Variants in PASD1 observed in about 807,000 individuals in gnomAD.
The protein encoded by PASD1 is PAS domain containing repressor 1.
PASD1 carries 13 observed loss-of-function variants against 58.8 expected under a neutral mutation model. The ratio of observed to expected loss-of-function variants is 0.22; its 90% confidence interval spans 0.14 to 0.35. The LOEUF is 0.35. Among genes scored for constraint, PASD1 ranks in the 10% least tolerant of loss-of-function variants. The pLI, the probability that PASD1 is intolerant of heterozygous loss-of-function variation, is 1.00. For synonymous variants in PASD1, 236 were observed against 216.7 expected, an observed-to-expected ratio of 1.09 and a Z score of -0.78; for missense variants, 734 against 568.3, an observed-to-expected ratio of 1.29 and a Z score of -2.96.
chrX:151,580,532 AAGT>A (rs1485843480), intron 1 of PASD1, among the ~76,000 whole-genome samples: 2 of 97,093 alleles, frequency 2.1e-5, no homozygotes, highest in African/African-American at 7.8e-5. Context: ...TTTTTGGTGG[AAGT>A]AGTCTATATA....
At chrX:151,620,814 G>C in intron 4 of PASD1, 116 bp from the exon 5 acceptor site, 1 of 438,754 alleles carries the variant, frequency 2.3e-6, no homozygotes, top group Non-Finnish European at 4.0e-6. Context: ...CAGAGCATAA[G>C]CTCACTGGAG....
intron 3 of PASD1, among the ~76,000 whole-genome samples, chrX:151,609,350 A>C (rs2013523973): frequency 8.9e-6 from 1 of 111,830 alleles, no homozygotes; most frequent in Non-Finnish European, 1.9e-5. Context: ...TCACTTTTAA[A>C]TGTAGAATTC....
chrX:151,675,725 G>A (rs1000104605), intron 15 of PASD1, among the ~76,000 whole-genome samples: 5 of 111,905 alleles, frequency 4.5e-5, no homozygotes, highest in African/African-American at 1.6e-4. Flanking sequence ...ACAAGAGAGG[G>A]CCAGACACAG....
chrX:151,674,243 C>G, intron 15 of PASD1, 57 bp downstream of exon 15: 2 of 1,185,132 alleles, frequency 1.7e-6, no homozygotes, highest in South Asian at 3.7e-5. Flanking sequence ...ATTCTGGGCC[C>G]CTTCCACATA....
rs1478267233 is a variant in PASD1, at chrX:151,672,289, T to A, written c.1544T>A (p.Met515Lys). 5 of 1,166,170 alleles carry A rather than the reference T, an allele frequency of 4.3e-6. No homozygotes were observed. The highest frequency in any genetic ancestry group is 5.2e-5 in the Admixed American group (2 of 38,520). Residue 515 changes from methionine to lysine, a missense_variant, in exon 14 of 16, where the codon ATG becomes AAG. By Grantham distance (95) the Met-to-Lys change is moderately conservative (BLOSUM62 -1). Transcript: ENST00000370357. ...AGGAAGGTGCAGAAGCAGAAGAAGA[T>A]GCAGGAGAAGAAGAAGCTGCAGGAG... ...EQRKVQKQKKMQEKKKLQEQK... is the reference protein window; with the variant it reads ...EQRKVQKQKKKQEKKKLQEQK...
At chrX:151,674,444 T>C (rs1369863494) in intron 15 of PASD1, among the ~76,000 whole-genome samples, 1 of 112,894 alleles carries the variant, frequency 8.9e-6, no homozygotes, top group African/African-American at 3.2e-5. Context: ...CAAAACTATG[T>C]TACATGGGCA....
chrX:151,642,696 A>G (rs1164223153), intron 8 of PASD1, among the ~76,000 whole-genome samples: 2 of 112,477 alleles, frequency 1.8e-5, no homozygotes, highest in Non-Finnish European at 3.7e-5. Context: ...CCCCAAACTT[A>G]TATCTTTGAA....
intron 8 of PASD1, among the ~76,000 whole-genome samples, chrX:151,636,024 T>A (rs2013926750): frequency 1.8e-5 from 2 of 111,743 alleles, no homozygotes; most frequent in Admixed American, 1.9e-4. Flanking sequence ...AATTAAAAAT[T>A]TTTAAAGATA....
intron 1 of PASD1, among the ~76,000 whole-genome samples, chrX:151,565,653 G>C (rs2012828958): frequency 9.3e-6 from 1 of 107,166 alleles, no homozygotes; most frequent in Admixed American, 9.9e-5. Context: ...CACCTGCCAG[G>C]TTCACGCCAT....
intron 8 of PASD1, among the ~76,000 whole-genome samples, chrX:151,637,453 T>G (rs1485797830): frequency 9.0e-6 from 1 of 111,539 alleles, no homozygotes; most frequent in South Asian, 3.8e-4. Context: ...CTCGGCTCAC[T>G]GCAACCTGTG....
chrX:151,621,479 T>A lies in PASD1; in HGVS notation c.308-3T>A. ...TGTTTTGTATTTCTTCTCTTTTTACTAGAAACACATATTGAATTTTGCTGT... is the reference window on the plus strand; with the variant it reads ...TGTTTTGTATTTCTTCTCTTTTTACAAGAAACACATATTGAATTTTGCTGT... On this transcript the variant is annotated splice_polypyrimidine_tract_variant and splice_region_variant and intron_variant, in intron 5 of 15. Coordinates refer to ENST00000370357, the MANE Select transcript of PASD1 (RefSeq NM_173493.3). 1 of 1,170,706 alleles carries A rather than the reference T, an allele frequency of 8.5e-7. No individual in the cohort carries two copies. The highest frequency in any genetic ancestry group is 3.0e-5 in the East Asian group (1 of 33,381).
At chrX:151,619,893 G>A (rs2013682701) in intron 4 of PASD1, among the ~76,000 whole-genome samples, 1 of 111,494 alleles carries the variant, frequency 9.0e-6, no homozygotes, top group Non-Finnish European at 1.9e-5. Context: ...GTAAAGGAAG[G>A]TTATGCATGT....
chrX:151,664,452 ATGTT>A lies in PASD1; in HGVS notation c.1071+109_1071+112del, dbSNP rs1439873039. 7 of 1,117,141 alleles carry A rather than the reference ATGTT, an allele frequency of 6.3e-6. No individual in the cohort carries two copies. The East Asian group carries it at 2.0e-4, about 31-fold the overall frequency. The allele number at this position is 1,117,141 out of a possible 1,213,427, so 92.1% of individuals were successfully genotyped here. Reference sequence around the variant, plus strand: ...TGACCAGTTTCACTTCACAGAAAGTATGTTTGTTACTTTTTCAAAACTATATCAC... The same window carrying A: ...TGACCAGTTTCACTTCACAGAAAGTATGTTACTTTTTCAAAACTATATCAC... On this transcript the variant is annotated intron_variant, in intron 11 of 15. Coordinates refer to ENST00000370357, the MANE Select transcript of PASD1 (RefSeq NM_173493.3).
At chrX:151,573,498 C>T (rs1243053464) in intron 1 of PASD1, among the ~76,000 whole-genome samples, 3 of 112,243 alleles carry the variant, frequency 2.7e-5, no homozygotes, top group Non-Finnish European at 5.6e-5. Context: ...TTACCCTATT[C>T]GCTGCAGTGA....
intron 8 of PASD1, among the ~76,000 whole-genome samples, chrX:151,627,688 A>G (rs761887338): frequency 7.0e-4 from 78 of 112,003 alleles, no homozygotes; most frequent in African/African-American, 2.4e-3. Flanking sequence ...TCTTTATAGC[A>G]GCATGATTTA....
intron 8 of PASD1, among the ~76,000 whole-genome samples, chrX:151,627,173 TTTTA>T (rs1196687933): frequency 1.4e-4 from 16 of 111,403 alleles, no homozygotes; most frequent in South Asian, 3.7e-4. Context: ...TAATTTTTAT[TTTTA>T]TTTATTTATT....
At chrX:151,668,398 T>A (rs2014413385) in intron 11 of PASD1, among the ~76,000 whole-genome samples, 1 of 111,351 alleles carries the variant, frequency 9.0e-6, no homozygotes, top group Admixed American at 9.6e-5. Context: ...TGCTGCTGGA[T>A]TCGGTTTGCC....
chrX:151,637,531 A>G (rs1429155728), intron 8 of PASD1, among the ~76,000 whole-genome samples: 1 of 110,933 alleles, frequency 9.0e-6, no homozygotes, highest in Non-Finnish European at 1.9e-5. Context: ...GCTCACCACT[A>G]CGCCTGGCTA....
At chrX:151,594,966 A>G (rs1159799073) in intron 1 of PASD1, among the ~76,000 whole-genome samples, 2 of 111,508 alleles carry the variant, frequency 1.8e-5, no homozygotes, top group Admixed American at 1.9e-4. Context: ...AAGATGTTTC[A>G]TTGTCTTTTG....
Sources: allele counts gnomAD v4.1 joint callset (sites outside exome capture counted in the v4.1 genomes callset), GRCh38; gene constraint gnomAD v4.1.1; transcripts MANE v1.5; gene names NCBI Gene and HGNC (gene_info 2026-07-23, HGNC 2026-07-21).